UBE2D2: variants seen among roughly 807,000 people sequenced by gnomAD.
UBE2D2 encodes the protein ubiquitin-conjugating enzyme E2 D2.
A neutral mutation model predicts 24.2 loss-of-function variants in UBE2D2; 2 were observed. The observed-to-expected ratio is 0.08, with a 90% CI of 0.03 to 0.26. UBE2D2 has a LOEUF of 0.26. UBE2D2 is among the 10% of genes least tolerant of loss of function. The pLI, the probability that UBE2D2 is intolerant of heterozygous loss-of-function variation, is 1.00. For missense variants in UBE2D2, 44 were observed against 177.6 expected (o/e 0.25, Z 4.28); for synonymous variants, 58 against 56.5 (o/e 1.03, Z -0.12).
At chr5:139,562,167 C>A in intron 1 of UBE2D2, 1 of 1,334,114 alleles carries the variant, frequency 7.5e-7, no homozygotes. Context: ...GGCGCTGGGG[C>A]GTTGGGCGGC....
In UBE2D2 at chr5:139,561,755, T is replaced by A; in HGVS notation, c.-37T>A. 2.8e-6 allele frequency: 3 copies of A among 1,088,200 alleles called. No homozygotes were observed. Among genetic ancestry groups the A allele is most frequent in the Non-Finnish European group, 3.8e-6 (3 of 794,446 alleles). 67.4% of individuals were successfully genotyped at this position (1,088,200 alleles called of 1,614,324 possible). A position where few individuals can be genotyped will look rare whatever the true frequency, so the allele number is the denominator to read the frequency against. On this transcript the variant is annotated 5_prime_UTR_variant, in exon 1 of 7. Transcript: ENST00000398733. ...CTTCCCCGTCCCTTCCCCGCCCCCG[T>A]CCCCGCCCCGGGGGCCGCCGCCACC... is the stretch of plus-strand genomic sequence containing the variant.
intron 1 of UBE2D2, among the ~76,000 whole-genome samples, chr5:139,580,045 C>CAAAAAAA (rs199662706): frequency 9.4e-5 from 11 of 116,982 alleles, no homozygotes; most frequent in Admixed American, 2.7e-4. Context: ...GACTCCCTCT[C>CAAAAAAA]AAAAAAAAAA....
At chr5:139,560,887 C>T (rs1753062090), upstream of UBE2D2, among the ~76,000 whole-genome samples, 1 of 152,154 alleles carries the variant, frequency 6.6e-6, no homozygotes, top group African/African-American at 2.4e-5. Context: ...GCTGTAGCCA[C>T]GCGGCCTCTG....
chr5:139,600,509 A>AG (rs1240642599), intron 2 of UBE2D2, 74 bp downstream of exon 2: 44 of 1,494,908 alleles, frequency 2.9e-5, no homozygotes, highest in Non-Finnish European at 4.0e-5. Flanking sequence ...ATTATGGTAT[A>AG]GGGAAGAGGC....
At chr5:139,600,094 G>A (rs1041150063) in intron 1 of UBE2D2, among the ~76,000 whole-genome samples, 13 of 151,988 alleles carry the variant, frequency 8.6e-5, no homozygotes, top group South Asian at 2.1e-4. Flanking sequence ...CATCACGCCC[G>A]GCCCATAATA....
At chr5:139,530,113 T>C (rs1470135624) in intron 1 of UBE2D2, among the ~76,000 whole-genome samples, 2 of 152,234 alleles carry the variant, frequency 1.3e-5, no homozygotes, top group Admixed American at 6.5e-5. Context: ...AAAAGCTGTA[T>C]AATGGTACCA....
intron 1 of UBE2D2, among the ~76,000 whole-genome samples, chr5:139,577,963 T>C (rs1164988353): frequency 6.6e-6 from 1 of 152,232 alleles, no homozygotes; most frequent in Non-Finnish European, 1.5e-5. Context: ...AGGAGATCCT[T>C]GCGCAAATGC....
intron 1 of UBE2D2, among the ~76,000 whole-genome samples, chr5:139,571,073 A>G (rs1220024072): frequency 6.6e-6 from 1 of 152,180 alleles, no homozygotes; most frequent in Non-Finnish European, 1.5e-5. Context: ...AGAAAATATA[A>G]ATCTTACGTG....
intron 1 of UBE2D2, among the ~76,000 whole-genome samples, chr5:139,548,151 G>A (rs368326069): frequency 0.66 from 61,755 of 93,756 alleles, 16,515 homozygotes; most frequent in African/African-American, 0.79. Flanking sequence ...GCGACAGAGC[G>A]AGACTCCGTC....
intron 1 of UBE2D2, among the ~76,000 whole-genome samples, chr5:139,580,952 A>G (rs1753589166): frequency 6.6e-6 from 1 of 152,198 alleles, no homozygotes; most frequent in Non-Finnish European, 1.5e-5. Context: ...TAGGAACTGT[A>G]TAAAGTTGTT....
chr5:139,560,765 G>A (rs1753058965), upstream of UBE2D2, among the ~76,000 whole-genome samples: 1 of 152,212 alleles, frequency 6.6e-6, no homozygotes, highest in African/African-American at 2.4e-5. Flanking sequence ...ATACATGCCA[G>A]TGGCTGAGAA....
At chr5:139,615,379 G>A (rs1225027759) in intron 5 of UBE2D2, among the ~76,000 whole-genome samples, 2 of 152,142 alleles carry the variant, frequency 1.3e-5, no homozygotes, top group African/African-American at 2.4e-5. Context: ...CAGCTACTCG[G>A]GAGGCTGAGG....
chr5:139,562,023 G>A, intron 1 of UBE2D2: 5 of 844,190 alleles, frequency 5.9e-6, no homozygotes, highest in Non-Finnish European at 8.6e-6. Context: ...GTGCTCTCGC[G>A]GCCTCAGCGT....
intron 1 of UBE2D2, among the ~76,000 whole-genome samples, chr5:139,548,208 A>C (rs1452243672): frequency 4.1e-5 from 6 of 146,326 alleles, no homozygotes; most frequent in Non-Finnish European, 9.0e-5. Flanking sequence ...AAATAAATAA[A>C]TAAATAAACG....
At chr5:139,538,490 A>T (rs1055314924) in intron 1 of UBE2D2, among the ~76,000 whole-genome samples, 3 of 152,206 alleles carry the variant, frequency 2.0e-5, no homozygotes, top group African/African-American at 7.2e-5. Flanking sequence ...AGAAGACATC[A>T]TGCTAAGTAA....
intron 1 of UBE2D2, among the ~76,000 whole-genome samples, chr5:139,550,563 G>A (rs142613588): frequency 3.0e-3 from 452 of 152,204 alleles, no homozygotes; most frequent in African/African-American, 0.01. Flanking sequence ...TCTCTTCCAC[G>A]CTCACGCTAT....
At chr5:139,538,580 T>A (rs1381517515) in intron 1 of UBE2D2, among the ~76,000 whole-genome samples, 2 of 151,882 alleles carry the variant, frequency 1.3e-5, no homozygotes, top group South Asian at 2.1e-4. Flanking sequence ...TATATATATA[T>A]AAAACAGAGT....
intron 1 of UBE2D2, among the ~76,000 whole-genome samples, chr5:139,598,746 CA>C: frequency 6.7e-6 from 1 of 150,242 alleles, no homozygotes; most frequent in South Asian, 2.1e-4. Context: ...TTTTTTAGTA[CA>C]GATGGGGTCT....
intron 1 of UBE2D2, among the ~76,000 whole-genome samples, chr5:139,555,774 A>C (rs1341132838): frequency 6.6e-6 from 1 of 151,696 alleles, no homozygotes; most frequent in Admixed American, 6.6e-5. Context: ...TAAAATACAA[A>C]TATTAGCTGG....
Sources: allele counts gnomAD v4.1 joint callset (sites outside exome capture counted in the v4.1 genomes callset), GRCh38; gene constraint gnomAD v4.1.1; transcripts MANE v1.5; gene names NCBI Gene and HGNC (gene_info 2026-07-23, HGNC 2026-07-21).